The following NFIB variants were observed in gnomAD, a reference collection of about 807,000 sequenced individuals.
NFIB encodes the protein nuclear factor I B, also known as nuclear factor 1 B-type.
Under a neutral mutation model 61.5 loss-of-function variants are expected in NFIB, and 11 were observed. The observed-to-expected ratio is 0.18, with a 90% CI of 0.11 to 0.30. NFIB has a LOEUF of 0.30. Ranked by LOEUF, NFIB falls within the 10% of genes least tolerant of loss-of-function variation. The pLI is 1.00. For missense variants in NFIB, 471 were observed against 608.9 expected (o/e 0.77, Z 2.38); for synonymous variants, 260 against 216.5 (o/e 1.20, Z -1.76).
chr9:14,104,737 T>C (rs572016436), intron 10 of NFIB, among the ~76,000 whole-genome samples: 15 of 151,336 alleles, frequency 9.9e-5, no homozygotes, highest in African/African-American at 3.6e-4. Context: ...CGTGCCACCA[T>C]GCCTGGCTAA....
chr9:14,446,222 G>C, the NFIB span, among the ~76,000 whole-genome samples: 1 of 152,138 alleles, frequency 6.6e-6, no homozygotes, highest in African/African-American at 2.4e-5. Context: ...TCTAAGTATG[G>C]ATTTCTTTTT....
chr9:14,156,144 G>A (rs1168041383), intron 3 of NFIB, among the ~76,000 whole-genome samples: 1 of 152,108 alleles, frequency 6.6e-6, no homozygotes, highest in Non-Finnish European at 1.5e-5. Context: ...GTTTATTGAT[G>A]CGGTTTGATT....
chr9:14,525,826 G>A, the NFIB span, among the ~76,000 whole-genome samples: 2 of 152,040 alleles, frequency 1.3e-5, no homozygotes, highest in Admixed American at 6.6e-5. Flanking sequence ...AAATGTTATG[G>A]TTCCATTCAA....
the NFIB span, among the ~76,000 whole-genome samples, chr9:14,524,106 T>A: frequency 6.6e-6 from 1 of 152,142 alleles, no homozygotes; most frequent in Admixed American, 6.5e-5. Flanking sequence ...AATTTAGCAA[T>A]TATTCATTAA....
the NFIB span, among the ~76,000 whole-genome samples, chr9:14,491,816 A>G: frequency 1.3e-5 from 2 of 152,058 alleles, no homozygotes; most frequent in Non-Finnish European, 2.9e-5. Context: ...ATCTATATCC[A>G]TTTTTTCATA....
intron 2 of NFIB, among the ~76,000 whole-genome samples, chr9:14,292,455 C>A (rs1195020145): frequency 6.6e-6 from 1 of 152,158 alleles, no homozygotes; most frequent in Admixed American, 6.5e-5. Flanking sequence ...TGTATTAAAA[C>A]CCTAAATTTA....
At chr9:14,107,506 G>A (rs2036741376) in intron 10 of NFIB, among the ~76,000 whole-genome samples, 1 of 152,032 alleles carries the variant, frequency 6.6e-6, no homozygotes, top group Non-Finnish European at 1.5e-5. Flanking sequence ...CATAAGATAA[G>A]TATTAGAAAA....
intron 1 of NFIB, among the ~76,000 whole-genome samples, chr9:14,375,055 A>G (rs2061401944): frequency 6.6e-6 from 1 of 152,216 alleles, no homozygotes; most frequent in African/African-American, 2.4e-5. Flanking sequence ...AAAGGAGAGA[A>G]GTAGTTTGTT....
At chr9:14,200,279 A>T (rs1189672616) in intron 2 of NFIB, among the ~76,000 whole-genome samples, 1 of 152,218 alleles carries the variant, frequency 6.6e-6, no homozygotes, top group East Asian at 1.9e-4. Flanking sequence ...GAAGAGAAAG[A>T]TTACAATAAA....
At chr9:14,306,874 A>C in intron 2 of NFIB, 115 bp downstream of exon 2, 1 of 1,267,218 alleles carries the variant, frequency 7.9e-7, no homozygotes, top group East Asian at 2.3e-5. Flanking sequence ...ATACCCAGAG[A>C]GGGTGGAGGA....
upstream of NFIB, among the ~76,000 whole-genome samples, chr9:14,314,807 A>C (rs1428407935): frequency 7.0e-6 from 1 of 143,010 alleles, no homozygotes; most frequent in African/African-American, 2.6e-5. Context: ...TTTTTTTTCC[A>C]AAATAGCTCT....
intron 3 of NFIB, among the ~76,000 whole-genome samples, chr9:14,165,656 A>G (rs1217813037): frequency 6.6e-6 from 1 of 152,208 alleles, no homozygotes; most frequent in Non-Finnish European, 1.5e-5. Flanking sequence ...AAATTATTCT[A>G]AAAGGGGAAC....
intron 1 of NFIB, among the ~76,000 whole-genome samples, chr9:14,352,946 G>T (rs561682810): frequency 1.3e-4 from 20 of 152,212 alleles, no homozygotes; most frequent in Non-Finnish European, 1.2e-4. Context: ...ATGTCTTAAA[G>T]TAGAAGAGGA....
At chr9:14,322,830 G>A (rs2060695789) in intron 1 of NFIB, among the ~76,000 whole-genome samples, 1 of 151,898 alleles carries the variant, frequency 6.6e-6, no homozygotes. Context: ...TTGTGCGGCC[G>A]CATGGGGCCG....
chr9:14,151,123 C>T (rs1027223759), intron 4 of NFIB, among the ~76,000 whole-genome samples: 7 of 152,042 alleles, frequency 4.6e-5, no homozygotes, highest in Middle Eastern at 3.4e-3. Context: ...TAATAATAAC[C>T]GGACACATAG....
Position 14,146,731 on chromosome 9 carries a change from A to T in NFIB, c.883T>A (p.Ser295Thr). The change falls in exon 6 of 11, where the codon TCA becomes ACA. Residue 295 changes from serine to threonine, a missense_variant. Ser to Thr is a moderately conservative substitution (Grantham distance 58). This residue lies in a region of NFIB where 372 missense variants were observed against 395.6 expected (regional missense o/e 0.94). Transcript: ENST00000380953. Reference protein sequence around the residue: ...PTGDFYPSPSSPAAGSRTWHE... With the variant: ...PTGDFYPSPSTPAAGSRTWHE... ...CATGTTCGACTTCCAGCAGCTGGTG[A>T]ACTTGGAGAGGGGTAAAAGTCTCCT... 6.2e-7 allele frequency: 1 copy of T among 1,612,242 alleles called. No homozygotes were observed. Among genetic ancestry groups the T allele is most frequent in the Non-Finnish European group, 8.5e-7 (1 of 1,179,398 alleles).
At chr9:14,140,847 T>G (rs2041615679) in intron 6 of NFIB, among the ~76,000 whole-genome samples, 1 of 152,064 alleles carries the variant, frequency 6.6e-6, no homozygotes, top group Non-Finnish European at 1.5e-5. Context: ...GGTGGGAGGA[T>G]CACTTGAACC....
At chr9:14,205,343 T>C (rs1318871917) in intron 2 of NFIB, among the ~76,000 whole-genome samples, 3 of 146,766 alleles carry the variant, frequency 2.0e-5, no homozygotes, top group Admixed American at 6.8e-5. Flanking sequence ...AGACACTGCA[T>C]GGAACTAAAA....
the NFIB span, among the ~76,000 whole-genome samples, chr9:14,426,310 G>A: frequency 1.3e-5 from 2 of 152,154 alleles, no homozygotes; most frequent in African/African-American, 2.4e-5. Context: ...CCAGATGCAG[G>A]TGGCATGGCT....
Sources: gnomAD v4.1 joint callset for allele counts (sites outside exome capture counted in the v4.1 genomes callset) on GRCh38, gnomAD v4.1.1 for gene constraint, gnomAD v4.1.1 regional missense constraint, MANE v1.5 for transcripts, NCBI Gene and HGNC (gene_info 2026-07-23, HGNC 2026-07-21) for gene names.